Variants in ZBTB38 observed in about 807,000 individuals in gnomAD.
ZBTB38 encodes the protein zinc finger and BTB domain containing 38.
In ZBTB38, 20 loss-of-function variants were observed where a neutral mutation model predicts 76.8. The observed-to-expected ratio is 0.26, with a 90% CI of 0.18 to 0.38. ZBTB38 has a LOEUF of 0.38. Among genes scored for constraint, ZBTB38 ranks in the 10% least tolerant of loss-of-function variants. ZBTB38 has a pLI of 1.00. For synonymous variants in ZBTB38, 504 were observed against 544.2 expected, an observed-to-expected ratio of 0.93 and a Z score of 1.03; for missense variants, 1,082 against 1,482.3, an observed-to-expected ratio of 0.73 and a Z score of 4.43.
chr3:141,366,304 T>G (rs1376969792), upstream of ZBTB38: 1 of 152,152 alleles, frequency 6.6e-6, no homozygotes, highest in African/African-American at 2.4e-5. Flanking sequence ...TAAATACCTG[T>G]GTATATGAAG....
chr3:141,425,993 T>TC, intron 5 of ZBTB38: 2 of 422,424 alleles, frequency 4.7e-6, no homozygotes, highest in East Asian at 7.3e-5. Flanking sequence ...ACAGCACATA[T>TC]ATGCTTGTTA....
At chr3:141,389,373 A>C (rs1948120992) in intron 4 of ZBTB38, 2 of 150,942 alleles carry the variant, frequency 1.3e-5, no homozygotes, top group Non-Finnish European at 2.9e-5. Flanking sequence ...TCTCTGGTTC[A>C]ATTATTTTGG....
chr3:141,358,827 G>A (rs1943737829), intron 1 of ZBTB38, among the ~76,000 whole-genome samples: 1 of 152,174 alleles, frequency 6.6e-6, no homozygotes, highest in Non-Finnish European at 1.5e-5. Context: ...CATAGAATTT[G>A]TGGTCTTTTG....
chr3:141,432,075 A>G, intron 5 of ZBTB38: 1 of 985,460 alleles, frequency 1.0e-6, no homozygotes. Context: ...TTGAGAAAAT[A>G]TACTGTAAAG....
intron 5 of ZBTB38, among the ~76,000 whole-genome samples, chr3:141,431,323 C>CAAAAAAAAAAAAAAAAAAAAAA (rs71976494): frequency 3.0e-5 from 3 of 101,406 alleles, no homozygotes; most frequent in East Asian, 9.2e-4. Context: ...GACTTCGTCT[C>CAAAAAAAAAAAAAAAAAAAAAA]AAAAAAAAAA....
intron 1 of ZBTB38, among the ~76,000 whole-genome samples, chr3:141,351,927 T>C (rs1241213682): frequency 2.0e-5 from 3 of 152,160 alleles, no homozygotes; most frequent in East Asian, 3.9e-4. Flanking sequence ...TTGTTGGAGA[T>C]TTCAATACAA....
chr3:141,379,071 T>C (rs919662072), intron 2 of ZBTB38, among the ~76,000 whole-genome samples: 3 of 152,222 alleles, frequency 2.0e-5, no homozygotes, highest in African/African-American at 4.8e-5. Context: ...TTAACAGCGC[T>C]GCTGTCTCTG....
intron 4 of ZBTB38, among the ~76,000 whole-genome samples, chr3:141,391,488 C>G (rs2149346376): frequency 6.6e-6 from 1 of 152,302 alleles, no homozygotes; most frequent in South Asian, 2.1e-4. Flanking sequence ...CTGGTTTTAG[C>G]CAGTCAAACT....
At chr3:141,324,372 CCTTTCCAGAG>C (rs769377012) in exon 1 of ZBTB38, 16 of 152,174 alleles carry the variant, frequency 1.1e-4, no homozygotes, top group Non-Finnish European at 1.8e-4. Context: ...AGAAGAATGC[CCTTTCCAGAG>C]CCAGTTCTTG....
At position 141,361,850 on chromosome 3, in the gene ZBTB38, T is replaced by A. The variant is rs146504643; in HGVS notation, c.-738-6771T>A. On this transcript the variant is annotated intron_variant, in intron 1 of 7. Transcript: ENST00000509842. ...AAGTGGACAGATCACTAAGAGGAGT[T>A]TACTTTATGCTCTGATGAGTTGTTT... 2.0e-3 allele frequency among the ~76,000 whole-genome samples: 304 copies of A among 152,306 alleles called. 1 individual carries two copies. Among genetic ancestry groups the A allele is most frequent in the African/African-American group, 7.1e-3 (293 of 41,556 alleles).
At chr3:141,362,637 CAGA>C (rs1469925477) in intron 1 of ZBTB38, among the ~76,000 whole-genome samples, 3 of 130,624 alleles carry the variant, frequency 2.3e-5, no homozygotes, top group African/African-American at 1.1e-4. Flanking sequence ...TCTGCCCCAA[CAGA>C]AGAAGAACTG....
intron 5 of ZBTB38, among the ~76,000 whole-genome samples, chr3:141,406,321 C>T (rs1413994559): frequency 6.6e-6 from 1 of 152,026 alleles, no homozygotes; most frequent in East Asian, 1.9e-4. Context: ...CTACTACAAC[C>T]CACCAAGGAA....
chr3:141,435,691 C>T (rs1158625640), intron 5 of ZBTB38, among the ~76,000 whole-genome samples: 1 of 151,138 alleles, frequency 6.6e-6, no homozygotes, highest in Non-Finnish European at 1.5e-5. Context: ...ACCCTGGAGG[C>T]GGAGGTTGTA....
chr3:141,390,800 A>G (rs1427307947), intron 4 of ZBTB38, among the ~76,000 whole-genome samples: 3 of 152,216 alleles, frequency 2.0e-5, no homozygotes, highest in African/African-American at 4.8e-5. Context: ...AGGGAGGGGA[A>G]TAAGCAAAAA....
chr3:141,364,790 A>T (rs1385025516), upstream of ZBTB38, among the ~76,000 whole-genome samples: 1 of 151,818 alleles, frequency 6.6e-6, no homozygotes, highest in African/African-American at 2.4e-5. Context: ...TCCTGAAAAC[A>T]CACTCAACAT....
chr3:141,426,125 A>T (rs1245474270), intron 5 of ZBTB38: 1 of 1,289,328 alleles, frequency 7.8e-7, no homozygotes, highest in Admixed American at 2.3e-5. Flanking sequence ...CAGTTCTCAG[A>T]CAGGCTGCCC....
chr3:141,333,478 G>A lies in ZBTB38; in HGVS notation c.-739+9022G>A, dbSNP rs1266585810. Among the ~76,000 whole-genome samples, 3 of 152,228 alleles carry A rather than the reference G, an allele frequency of 2.0e-5. No individual in the cohort carries two copies. The East Asian group carries it at 5.8e-4, about 30-fold the overall frequency. ...CTATCTGGATGGCCAGCCACAGATGGCCTGCCACTCAGATCACATTTGTGA... is the reference window on the plus strand; with the variant it reads ...CTATCTGGATGGCCAGCCACAGATGACCTGCCACTCAGATCACATTTGTGA... On this transcript the variant is annotated intron_variant, in intron 1 of 7. Coordinates refer to the ZBTB38 transcript ENST00000509842.
intron 1 of ZBTB38, among the ~76,000 whole-genome samples, chr3:141,356,847 A>C (rs1943676936): frequency 6.6e-6 from 1 of 152,260 alleles, no homozygotes; most frequent in South Asian, 2.1e-4. Context: ...TAAGTGTCTT[A>C]GAATGGAGAA....
intron 4 of ZBTB38, chr3:141,390,097 A>G (rs1948391598): frequency 6.6e-6 from 1 of 152,202 alleles, no homozygotes; most frequent in Non-Finnish European, 1.5e-5. Flanking sequence ...ATTACTATAT[A>G]TTACTTCGTT....
Sources: allele counts gnomAD v4.1 joint callset (sites outside exome capture counted in the v4.1 genomes callset), GRCh38; gene constraint gnomAD v4.1.1; transcripts MANE v1.5; gene names NCBI Gene and HGNC (gene_info 2026-07-23, HGNC 2026-07-21).